PCDHGA7: variants seen among roughly 807,000 people sequenced by gnomAD.
PCDHGA7 encodes the protein protocadherin gamma subfamily A, 7.
In PCDHGA7, 44 loss-of-function variants were observed where a neutral mutation model predicts 58.3. The ratio of observed to expected loss-of-function variants is 0.75; its 90% confidence interval spans 0.59 to 0.97. PCDHGA7 has a LOEUF of 0.97. Among genes scored for constraint, PCDHGA7 ranks in the 50% least tolerant of loss-of-function variants. The probability of loss-of-function intolerance (pLI) is 0.00; values close to 1 mark genes in which losing one functional copy is unlikely to be tolerated. For synonymous variants in PCDHGA7, 516 were observed against 504.2 expected, an observed-to-expected ratio of 1.02 and a Z score of -0.31; for missense variants, 1,266 against 1,188.7, an observed-to-expected ratio of 1.06 and a Z score of -0.96.
Position 141,389,941 on chromosome 5 carries a change from T to C in PCDHGA7, c.2424+4618T>C, listed in dbSNP as rs772172943. 2.5e-6 allele frequency: 4 copies of C among 1,613,952 alleles called. No homozygotes were observed. In the African/African-American group the frequency reaches 5.3e-5, roughly 22 times the overall value. On this transcript the variant is annotated intron_variant, in intron 1 of 3. Coordinates refer to ENST00000518325, the MANE Select transcript of PCDHGA7 (RefSeq NM_018920.4). ...GACCCCTCTGACCTCCAGGCTGAGC[T>C]GCAGTTTTACCTAGTGGTGGCCTTG...
intron 1 of PCDHGA7, chr5:141,426,835 C>G (rs1038394702): frequency 6.6e-6 from 3 of 456,576 alleles, no homozygotes; most frequent in Non-Finnish European, 1.3e-5. Flanking sequence ...ATGGACAAGA[C>G]TAAAGGCAAG....
In PCDHGA7 at chr5:141,489,911, G is replaced by A; in HGVS notation, c.2425-4896G>A. On this transcript the variant is annotated intron_variant, in intron 1 of 3. Transcript: ENST00000518325. The surrounding 1 kb of genome is among the most constrained non-coding windows in gnomAD (Gnocchi z 4.5). ...GATGGGGGGACCCCAGCCCGCTCAG[G>A]GACCACCCTTATCTCTGTCATCGTG... 3.7e-6 allele frequency: 6 copies of A among 1,614,198 alleles called. No individual in the cohort carries two copies. Among genetic ancestry groups the A allele is most frequent in the Non-Finnish European group, 5.1e-6 (6 of 1,180,042 alleles).
intron 1 of PCDHGA7, chr5:141,421,044 C>CGCCT (rs891153203): frequency 6.4e-5 from 35 of 548,614 alleles, no homozygotes; most frequent in African/African-American, 6.0e-4. Context: ...CTCCCTCCCC[C>CGCCT]GCCTCTACCA....
At chr5:141,428,230 C>A in intron 1 of PCDHGA7, 1 of 1,073,982 alleles carries the variant, frequency 9.3e-7, no homozygotes, top group Non-Finnish European at 1.4e-6. Flanking sequence ...CGCAGACAGC[C>A]TGCAGGAGGC....
At position 141,423,418 on chromosome 5, in the gene PCDHGA7, G is replaced by T. The variant is rs1236092057; in HGVS notation, c.2424+38095G>T. On this transcript the variant is annotated intron_variant, in intron 1 of 3. Transcript: ENST00000518325. ...GTCACGCCTGCTGCAGGCTTCTGAAGGCGGGTTGGCAGGTATGCCCACGTC... is the reference window on the plus strand; with the variant it reads ...GTCACGCCTGCTGCAGGCTTCTGAATGCGGGTTGGCAGGTATGCCCACGTC... 1.2e-6 allele frequency: 2 copies of T among 1,614,022 alleles called. No individual in the cohort carries two copies. Among genetic ancestry groups the T allele is most frequent in the South Asian group, 1.1e-5 (1 of 91,088 alleles).
chr5:141,388,336 G>C, intron 1 of PCDHGA7: 2 of 1,613,966 alleles, frequency 1.2e-6, no homozygotes, highest in South Asian at 1.1e-5. Context: ...CCTGGCACAC[G>C]ATTTATATTA....
At chr5:141,388,133 G>T (rs2091251188) in intron 1 of PCDHGA7, 3 of 1,450,776 alleles carry the variant, frequency 2.1e-6, no homozygotes. Flanking sequence ...AGAGCGGGGA[G>T]TTGCTTGTGA....
In PCDHGA7 at chr5:141,453,631, T is replaced by C. The variant is rs114710858; in HGVS notation, c.2425-41176T>C. On this transcript the variant is annotated intron_variant, in intron 1 of 3. Transcript: ENST00000518325. ...AACGCAAAAACAAAACCTATACATATTTATATTTTCTTATGTCCTCTTCTT... is the reference window on the plus strand; with the variant it reads ...AACGCAAAAACAAAACCTATACATACTTATATTTTCTTATGTCCTCTTCTT... Among the ~76,000 whole-genome samples the C allele has an allele frequency of 8.2e-3, 1,249 of 152,332 alleles. 7 individuals are homozygous for C. Among genetic ancestry groups the C allele is most frequent in the Non-Finnish European group, 0.013 (893 of 68,030 alleles).
chr5:141,398,051 C>G, intron 1 of PCDHGA7: 3 of 1,512,220 alleles, frequency 2.0e-6, no homozygotes, highest in Non-Finnish European at 2.7e-6. Context: ...GTTCGGAGAT[C>G]CAAAAATCTA....
chr5:141,446,532 A>G (rs1443843436), intron 1 of PCDHGA7, among the ~76,000 whole-genome samples: 1 of 151,788 alleles, frequency 6.6e-6, no homozygotes, highest in Non-Finnish European at 1.5e-5. Flanking sequence ...GCTGGAGTGC[A>G]GTGGCCCTAT....
intron 3 of PCDHGA7, among the ~76,000 whole-genome samples, chr5:141,510,624 A>C (rs2099881973): frequency 6.6e-6 from 1 of 152,164 alleles, no homozygotes; most frequent in African/African-American, 2.4e-5. Flanking sequence ...TAAAACCAGA[A>C]GAGGTGGTTA....
At position 141,485,656 on chromosome 5, in the gene PCDHGA7, T is replaced by C. The variant is rs147216126; in HGVS notation, c.2425-9151T>C. On this transcript the variant is annotated intron_variant, in intron 1 of 3. Coordinates refer to ENST00000518325, the MANE Select transcript of PCDHGA7 (RefSeq NM_018920.4). This position sits in a 1 kb window ranked among gnomAD's most constrained non-coding sequence, Gnocchi z 5.7. ...CGTTGGAAAAGGCTCAGGATGCAGA[T>C]GTGGGGAGCAATTCGATTAGCAGCT... 23 of 1,612,648 alleles carry C rather than the reference T, an allele frequency of 1.4e-5. No homozygotes were observed. The African/African-American group carries it at 2.8e-4, about 20-fold the overall frequency.
At position 141,418,573 on chromosome 5, in the gene PCDHGA7, C is replaced by A. The variant is rs749104686; in HGVS notation, c.2424+33250C>A. 5.0e-6 allele frequency: 8 copies of A among 1,613,826 alleles called. No individual in the cohort carries two copies. The South Asian group carries it at 5.5e-5, about 11-fold the overall frequency. Reference sequence around the variant, plus strand: ...TCCTGGTAATAGATGCCAATGACAACCCCCCAGTGTTCAGCCAGGACGTGT... The same window carrying A: ...TCCTGGTAATAGATGCCAATGACAAACCCCCAGTGTTCAGCCAGGACGTGT... On this transcript the variant is annotated intron_variant, in intron 1 of 3. Transcript: ENST00000518325.
intron 1 of PCDHGA7, among the ~76,000 whole-genome samples, chr5:141,462,479 GGTT>G (rs1329069527): frequency 6.6e-6 from 1 of 151,838 alleles, no homozygotes; most frequent in Non-Finnish European, 1.5e-5. Flanking sequence ...TGCTTCTCGT[GGTT>G]GTTGTATCCT....
At chr5:141,405,450 T>G in intron 1 of PCDHGA7, 7 of 1,286,684 alleles carry the variant, frequency 5.4e-6, no homozygotes, top group South Asian at 1.4e-5. Flanking sequence ...GACAGAGTCT[T>G]ACTCTGTTAC....
intron 1 of PCDHGA7, chr5:141,421,308 C>T: frequency 6.2e-7 from 1 of 1,613,678 alleles, no homozygotes; most frequent in Non-Finnish European, 8.5e-7. Flanking sequence ...TGCGGGGGTT[C>T]CGGGCCAGGC....
intron 1 of PCDHGA7, among the ~76,000 whole-genome samples, chr5:141,447,632 T>G (rs931349669): frequency 9.2e-5 from 14 of 152,160 alleles, no homozygotes; most frequent in Non-Finnish European, 2.1e-4. Flanking sequence ...ACCAACAGTA[T>G]GAATGATGGT....
intron 1 of PCDHGA7, chr5:141,405,433 T>G (rs539486666): frequency 2.0e-6 from 3 of 1,471,752 alleles, no homozygotes; most frequent in Admixed American, 3.9e-5. Flanking sequence ...TTTTGTTTTG[T>G]TTTTGAGACA....
rs573785314 is a variant in PCDHGA7 at position 141,435,382 on chromosome 5, C to T, written c.2424+50059C>T. 2.0e-5 allele frequency among the ~76,000 whole-genome samples: 3 copies of T among 152,034 alleles called. No homozygotes were observed. In the East Asian group the frequency reaches 5.8e-4, roughly 29 times the overall value. ...TTTATCACTTAAATATACAATATAC[C>T]GTATTGCCATGACGAAAAATGGTAA... On this transcript the variant is annotated intron_variant, in intron 1 of 3. Transcript: ENST00000518325.
Sources: gnomAD v4.1 joint callset for allele counts (sites outside exome capture counted in the v4.1 genomes callset) on GRCh38, gnomAD v4.1.1 for gene constraint, Gnocchi (gnomAD v3.1) non-coding constraint, MANE v1.5 for transcripts, NCBI Gene and HGNC (gene_info 2026-07-23, HGNC 2026-07-21) for gene names.